The following CD247 variants were observed in gnomAD, a reference collection of about 807,000 sequenced individuals.
CD247 encodes the protein CD247 molecule.
In CD247, 13 loss-of-function variants were observed where a neutral mutation model predicts 30.0. That is an observed-to-expected ratio of 0.43 (90% CI 0.28 to 0.69). The LOEUF (loss-of-function observed/expected upper bound fraction) is 0.69, where lower values mean the gene tolerates loss of function less well. Ranked by LOEUF, CD247 falls within the 30% of genes least tolerant of loss-of-function variation. The probability of loss-of-function intolerance (pLI) is 0.16; values close to 1 mark genes in which losing one functional copy is unlikely to be tolerated. For synonymous variants in CD247, 72 were observed against 80.0 expected, an observed-to-expected ratio of 0.90 and a Z score of 0.53; for missense variants, 193 against 212.6, an observed-to-expected ratio of 0.91 and a Z score of 0.57.
At chr1:167,468,026 G>C (rs7523351) in intron 1 of CD247, among the ~76,000 whole-genome samples, 22,757 of 152,132 alleles carry the variant, frequency 0.15, 1,950 homozygotes, top group East Asian at 0.24. Flanking sequence ...AAAACTGAGG[G>C]AGAAGGCTTA....
At chr1:167,432,185 A>G (rs1321005379) in intron 7 of CD247, among the ~76,000 whole-genome samples, 1 of 152,206 alleles carries the variant, frequency 6.6e-6, no homozygotes, top group Non-Finnish European at 1.5e-5. Context: ...TGTCACAGGG[A>G]GAAGAGGGGC....
chr1:167,439,581 A>G, intron 2 of CD247, 181 bp from the exon 3 acceptor site: 1 of 614,648 alleles, frequency 1.6e-6, no homozygotes, highest in Non-Finnish European at 2.9e-6. Flanking sequence ...CCTTTTTCTG[A>G]GCCCAGTTGT....
rs148298128 is a variant in CD247 at position 167,433,042 on chromosome 1, C to G, written c.411G>C (p.Gly137=). Residue 137 remains glycine (G), a synonymous_variant, in exon 7 of 8, where the codon GGG becomes GGC. Coordinates refer to ENST00000362089, the MANE Select transcript of CD247 (RefSeq NM_198053.3). ...CTCCTACCTGGTAAAGGCCATCGTG[C>G]CCCTTGCCCCTCCGGCGCTGGTTGT... ...GMKGERRRGK[G]HDGLYQGLST... 47 of 1,614,196 alleles carry G rather than the reference C, an allele frequency of 2.9e-5. 1 individual carries two copies. The Middle Eastern group carries it at 8.2e-4, about 28-fold the overall frequency.
At chr1:167,438,533 C>T in intron 4 of CD247, 37 bp downstream of exon 4, 1 of 1,526,240 alleles carries the variant, frequency 6.6e-7, no homozygotes, top group South Asian at 1.1e-5. Flanking sequence ...CCCCACCACA[C>T]ATGCAGGAAC....
At chr1:167,456,364 C>T (rs1183035924) in intron 1 of CD247, among the ~76,000 whole-genome samples, 1 of 152,172 alleles carries the variant, frequency 6.6e-6, no homozygotes, top group African/African-American at 2.4e-5. Context: ...GAGCTTTTTC[C>T]TGATTGTCTC....
intron 1 of CD247, among the ~76,000 whole-genome samples, chr1:167,460,213 G>T (rs528963340): frequency 6.6e-6 from 1 of 152,108 alleles, no homozygotes; most frequent in African/African-American, 2.4e-5. Flanking sequence ...ACTAGCCTGG[G>T]CAACATGGCG....
rs184912487 is a variant in CD247 at position 167,489,908 on chromosome 1, C to T, written c.58+28500G>A. On this transcript the variant is annotated intron_variant, in intron 1 of 7. Coordinates refer to ENST00000362089, the MANE Select transcript of CD247 (RefSeq NM_198053.3). The stretch of plus-strand genomic sequence containing the variant: ...AAGATTGAATACCACCCAGTTCGGC[C>T]TCTGACCTGTGCCCGCGCCGAGGTT... Among the ~76,000 whole-genome samples the T allele has an allele frequency of 1.2e-3, 190 of 152,306 alleles. 1 individual carries two copies. Among genetic ancestry groups the T allele is most frequent in the African/African-American group, 4.5e-3 (187 of 41,556 alleles).
chr1:167,431,458 C>T lies in CD247; in HGVS notation c.*223G>A. The stretch of plus-strand genomic sequence containing the variant: ...TGCACCACCGGCAAACCAGAGGGCC[C>T]AAGGCCAGGGCCGTAAGCCCTGGGA... On this transcript the variant is annotated 3_prime_UTR_variant, in exon 8 of 8. Transcript: ENST00000362089. 3.3e-6 allele frequency: 2 copies of T among 614,400 alleles called. No homozygotes were observed. Among genetic ancestry groups the T allele is most frequent in the East Asian group, 2.7e-5 (1 of 36,522 alleles). 38.1% of individuals were successfully genotyped at this position (614,400 alleles called of 1,614,324 possible). A position where few individuals can be genotyped will look rare whatever the true frequency, so the allele number is the denominator to read the frequency against.
At chr1:167,459,591 C>A (rs919648359) in intron 1 of CD247, 2 of 152,146 alleles carry the variant, frequency 1.3e-5, no homozygotes, top group African/African-American at 2.4e-5. Context: ...GACTTCAGGT[C>A]ATCCGCCTGC....
At chr1:167,509,369 C>CAAAAAAAAAAAA (rs35004744) in intron 1 of CD247, among the ~76,000 whole-genome samples, 2 of 63,850 alleles carry the variant, frequency 3.1e-5, no homozygotes, top group Admixed American at 1.8e-4. Flanking sequence ...AACTCTGTCT[C>CAAAAAAAAAAAA]AAAAAAAAAA....
chr1:167,495,040 G>A (rs761823070), intron 1 of CD247, among the ~76,000 whole-genome samples: 41 of 152,200 alleles, frequency 2.7e-4, no homozygotes, highest in Admixed American at 1.0e-3. Flanking sequence ...AGGGCTGGTG[G>A]CCCAGGTGGC....
chr1:167,439,459 G>A (rs1232997552), intron 2 of CD247, 59 bp from the exon 3 acceptor site: 8 of 1,529,354 alleles, frequency 5.2e-6, no homozygotes, highest in Non-Finnish European at 7.3e-6. Context: ...GGGAGCCGGG[G>A]TGCCAGGGCG....
intron 1 of CD247, 92 bp downstream of exon 1, chr1:167,518,316 G>A (rs1318331459): frequency 8.3e-7 from 1 of 1,198,456 alleles, no homozygotes; most frequent in East Asian, 2.3e-5. Context: ...GGAGACCCCA[G>A]CCCCTCACCA....
chr1:167,491,339 C>A (rs1205967107), intron 1 of CD247, among the ~76,000 whole-genome samples: 1 of 152,146 alleles, frequency 6.6e-6, no homozygotes, highest in East Asian at 1.9e-4. Flanking sequence ...GAGGCCAAGG[C>A]GAGTGGATCA....
At chr1:167,489,895 C>T (rs992197504) in intron 1 of CD247, among the ~76,000 whole-genome samples, 1 of 152,158 alleles carries the variant, frequency 6.6e-6, no homozygotes, top group Non-Finnish European at 1.5e-5. Context: ...GATTGAATAC[C>T]ACCCAGTTCG....
Position 167,438,636 on chromosome 1 carries a change from TC to T in CD247, c.233del (p.Gly78AspfsTer51). On this transcript the variant is annotated frameshift_variant, in exon 4 of 8. Transcript: ENST00000362089. LOFTEE classifies it high-confidence loss of function. ...QNQLYNELNL[G>X]RREEYDVLDK... ...CCAAAACATCGTACTCCTCTCTTCGTCCTAGATTGAGCTCCTATAACAGATA... is the reference window on the plus strand; with the variant it reads ...CCAAAACATCGTACTCCTCTCTTCGTCTAGATTGAGCTCCTATAACAGATA... The T allele has an allele frequency of 6.2e-7, 1 of 1,613,886 alleles. No individual in the cohort carries two copies. Among genetic ancestry groups the T allele is most frequent in the Non-Finnish European group, 8.5e-7 (1 of 1,179,762 alleles).
chr1:167,431,209 TG>T lies in CD247; in HGVS notation c.*471del. 1 of 434,104 alleles carries T rather than the reference TG, an allele frequency of 2.3e-6. No homozygotes were observed. The allele number at this position is 434,104 out of a possible 1,614,324, so 26.9% of individuals were successfully genotyped here. On this transcript the variant is annotated 3_prime_UTR_variant, in exon 8 of 8. Coordinates refer to ENST00000362089, the MANE Select transcript of CD247 (RefSeq NM_198053.3). ...GCCCTCTCACCAGGGAGGCACAACATGGCCCAGTACAGTTACCTTGAAAGGA... is the reference window on the plus strand; with the variant it reads ...GCCCTCTCACCAGGGAGGCACAACATGCCCAGTACAGTTACCTTGAAAGGA...
At position 167,518,492 on chromosome 1, in the gene CD247, G is replaced by A; in HGVS notation, c.-27C>T. 6.2e-7 allele frequency: 1 copy of A among 1,609,248 alleles called. No homozygotes were observed. Among genetic ancestry groups the A allele is most frequent in the South Asian group, 1.1e-5 (1 of 90,958 alleles). ...TTGTCCTTTCCCTCAGAAAGAGGCT[G>A]GGAGGCAGAGGCTGAGGCAGCGGTG... On this transcript the variant is annotated 5_prime_UTR_variant, in exon 1 of 8. Coordinates refer to ENST00000362089, the MANE Select transcript of CD247 (RefSeq NM_198053.3).
intron 3 of CD247, 152 bp downstream of exon 3, chr1:167,439,192 T>C: frequency 2.8e-6 from 2 of 723,914 alleles, no homozygotes; most frequent in Non-Finnish European, 5.1e-6. Flanking sequence ...GTTTTGTGGG[T>C]TAGAAAACTG....
Sources: allele counts gnomAD v4.1 joint callset (sites outside exome capture counted in the v4.1 genomes callset), GRCh38; gene constraint gnomAD v4.1.1; transcripts MANE v1.5; gene names NCBI Gene and HGNC (gene_info 2026-07-23, HGNC 2026-07-21).